The following LOC400499 variants were observed in gnomAD, a reference collection of about 807,000 sequenced individuals.
chr16:11,459,722 C>T, the LOC400499 span, among the ~76,000 whole-genome samples: 1 of 152,208 alleles, frequency 6.6e-6, no homozygotes, highest in South Asian at 2.1e-4. Context: ...TGTTTCTCAC[C>T]CCTGGGGACA....
chr16:11,518,040 C>T, the LOC400499 span, among the ~76,000 whole-genome samples: 7 of 152,182 alleles, frequency 4.6e-5, no homozygotes, highest in African/African-American at 1.4e-4. Context: ...GAGAGAAATG[C>T]TAATGGCGCC....
chr16:11,501,740 CCAG>C, the LOC400499 span, among the ~76,000 whole-genome samples: 1 of 152,082 alleles, frequency 6.6e-6, no homozygotes, highest in Non-Finnish European at 1.5e-5. Flanking sequence ...CTCCACGCCC[CCAG>C]CAGGAGGGTA....
At chr16:11,394,328 C>CA in the LOC400499 span, among the ~76,000 whole-genome samples, 1 of 152,154 alleles carries the variant, frequency 6.6e-6, no homozygotes, top group African/African-American at 2.4e-5. Flanking sequence ...CAAGAGAACA[C>CA]AAGCCCGGAG....
the LOC400499 span, chr16:11,487,119 G>A: frequency 2.5e-6 from 1 of 396,666 alleles, no homozygotes; most frequent in East Asian, 3.6e-5. Context: ...ATATCTATGG[G>A]CAGGTGGGTG....
At chr16:11,401,696 C>T in the LOC400499 span, among the ~76,000 whole-genome samples, 14 of 152,234 alleles carry the variant, frequency 9.2e-5, no homozygotes, top group African/African-American at 3.4e-4. Context: ...GGGCAGGTCA[C>T]TGCACCTCTA....
the LOC400499 span, chr16:11,431,286 G>C: frequency 5.0e-6 from 2 of 398,774 alleles, no homozygotes; most frequent in East Asian, 3.6e-5. Flanking sequence ...GCAAACCTGG[G>C]TTCCAACCCC....
chr16:11,483,709 T>TAA, the LOC400499 span, among the ~76,000 whole-genome samples: 4 of 145,356 alleles, frequency 2.8e-5, no homozygotes, highest in Admixed American at 6.9e-5. Context: ...GTACAACTTT[T>TAA]AAAAAAAAAA....
At chr16:11,464,150 T>A in the LOC400499 span, among the ~76,000 whole-genome samples, 1 of 63,894 alleles carries the variant, frequency 1.6e-5, no homozygotes, top group Non-Finnish European at 3.1e-5. Flanking sequence ...GTGTGTATGA[T>A]GTGTATGTGT....
chr16:11,479,330 C>T, the LOC400499 span, among the ~76,000 whole-genome samples: 12 of 152,232 alleles, frequency 7.9e-5, no homozygotes, highest in East Asian at 2.3e-3. Flanking sequence ...AAGTTGAAAA[C>T]TGGCTTGGAA....
chr16:11,502,181 C>G, the LOC400499 span: 1 of 399,140 alleles, frequency 2.5e-6, no homozygotes, highest in Non-Finnish European at 4.4e-6. Context: ...AGTCCATGGC[C>G]TGCGATTCAG....
chr16:11,451,472 G>A, the LOC400499 span, among the ~76,000 whole-genome samples: 1 of 152,184 alleles, frequency 6.6e-6, no homozygotes, highest in Admixed American at 6.5e-5. Context: ...CCAGCTACTT[G>A]GGAGGCTGAG....
chr16:11,384,114 C>T, the LOC400499 span: 2 of 1,224,046 alleles, frequency 1.6e-6, no homozygotes, highest in Admixed American at 4.2e-5. Flanking sequence ...CCTACGAAGT[C>T]CTCTGCAGAG....
At chr16:11,488,764 C>T in the LOC400499 span, 1 of 398,994 alleles carries the variant, frequency 2.5e-6, no homozygotes, top group Non-Finnish European at 4.4e-6. Context: ...CTGGGTGGAA[C>T]TCCTGGCTGA....
the LOC400499 span, among the ~76,000 whole-genome samples, chr16:11,477,326 G>C: frequency 2.6e-5 from 4 of 152,340 alleles, no homozygotes; most frequent in African/African-American, 7.2e-5. Context: ...TCAGCTGAGG[G>C]GCTGGGGACA....
chr16:11,399,657 C>T, the LOC400499 span: 12 of 398,570 alleles, frequency 3.0e-5, no homozygotes, highest in Middle Eastern at 6.2e-4. Flanking sequence ...AAGCCTGGAG[C>T]GAGGGGGACC....
the LOC400499 span, among the ~76,000 whole-genome samples, chr16:11,377,046 G>A: frequency 6.6e-6 from 1 of 150,552 alleles, no homozygotes; most frequent in Non-Finnish European, 1.5e-5. Flanking sequence ...CTTGACCTCT[G>A]AGGCTCAAGT....
At chr16:11,484,371 T>C in the LOC400499 span, among the ~76,000 whole-genome samples, 1 of 152,192 alleles carries the variant, frequency 6.6e-6, no homozygotes, top group Non-Finnish European at 1.5e-5. Flanking sequence ...TCATAAGCTT[T>C]ATCATGGTGA....
chr16:11,426,753 A>AC, the LOC400499 span, among the ~76,000 whole-genome samples: 1 of 150,300 alleles, frequency 6.7e-6, no homozygotes, highest in African/African-American at 2.5e-5. Context: ...ACAAAGGGAG[A>AC]CCCCACCTCT....
At chr16:11,428,994 C>T in the LOC400499 span, among the ~76,000 whole-genome samples, 6 of 151,944 alleles carry the variant, frequency 3.9e-5, no homozygotes, top group Admixed American at 1.3e-4. Flanking sequence ...TAGGAAAATC[C>T]GGCACTGAAA....
Sources: gnomAD v4.1 joint callset for allele counts (sites outside exome capture counted in the v4.1 genomes callset) on GRCh38, gnomAD v4.1.1 for gene constraint, MANE v1.5 for transcripts.